ITPRIP: variants seen among roughly 807,000 people sequenced by gnomAD.
ITPRIP encodes the protein inositol 1,4,5-trisphosphate receptor interacting protein.
Under a neutral mutation model 35.8 loss-of-function variants are expected in ITPRIP, and 32 were observed. The ratio of observed to expected loss-of-function variants is 0.89; its 90% CI spans 0.68 to 1.20. The LOEUF (loss-of-function observed/expected upper bound fraction) is 1.20, where lower values mean the gene tolerates loss of function less well. Among genes scored for constraint, ITPRIP ranks in the 50% most tolerant of loss-of-function variants. The probability of loss-of-function intolerance (pLI) is 0.00; values close to 1 mark genes in which losing one functional copy is unlikely to be tolerated. For synonymous variants in ITPRIP, 358 were observed against 324.0 expected, an observed-to-expected ratio of 1.11 and a Z score of -1.13; for missense variants, 653 against 735.6, an observed-to-expected ratio of 0.89 and a Z score of 1.30.
rs111962783 is a variant in ITPRIP at position 104,336,064 on chromosome 10, C to A, written c.-14+2182G>T. Among the ~76,000 whole-genome samples the A allele has an allele frequency of 8.1e-4, 124 of 152,350 alleles. 1 individual carries two copies. Among genetic ancestry groups the A allele is most frequent in the African/African-American group, 2.9e-3 (120 of 41,588 alleles). ...GAGGGGTGAGGATAAATCCAGCTCA[C>A]ATGCCACTTATCCAGCTATATGGCT... On this transcript the variant is annotated intron_variant, in intron 1 of 1. Transcript: ENST00000337478.
chr10:104,319,304 T>C (rs1322278127), intron 1 of ITPRIP, among the ~76,000 whole-genome samples: 1 of 152,220 alleles, frequency 6.6e-6, no homozygotes, highest in Non-Finnish European at 1.5e-5. Flanking sequence ...CAGGCTCCTC[T>C]CCTCAGCATC....
chr10:104,336,204 A>C (rs1242372596), intron 1 of ITPRIP, among the ~76,000 whole-genome samples: 2 of 152,192 alleles, frequency 1.3e-5, no homozygotes, highest in Admixed American at 1.3e-4. Context: ...GGCTAGCAGC[A>C]GCCCTGGAGG....
chr10:104,323,188 A>C (rs540785647), intron 1 of ITPRIP, among the ~76,000 whole-genome samples: 1 of 152,298 alleles, frequency 6.6e-6, no homozygotes, highest in East Asian at 1.9e-4. Context: ...CCAGCACAGA[A>C]CAGGGGAAGG....
intron 1 of ITPRIP, among the ~76,000 whole-genome samples, chr10:104,317,200 T>A (rs1472942227): frequency 1.3e-5 from 2 of 152,172 alleles, no homozygotes; most frequent in Admixed American, 1.3e-4. Flanking sequence ...GAGCAAAGAA[T>A]CACTAATTTC....
chr10:104,311,386 G>C lies in ITPRIP; in HGVS notation c.*3022C>G, dbSNP rs1277174494. 2 of 152,228 alleles carry C rather than the reference G, an allele frequency of 1.3e-5. No homozygotes were observed. Among genetic ancestry groups the C allele is most frequent in the Non-Finnish European group, 2.9e-5 (2 of 68,046 alleles). The allele number at this position is 152,228 out of a possible 1,614,324, so 9.4% of individuals were successfully genotyped here. ...GCTAGGGGTACCATCAGTCACTTGG[G>C]GGAAATCTTTAAAAATCGAGCCTAG... On this transcript the variant is annotated 3_prime_UTR_variant, in exon 2 of 2. Transcript: ENST00000337478.
rs556187952 is a variant in ITPRIP at position 104,327,349 on chromosome 10, C to T, written c.-14+10897G>A. On this transcript the variant is annotated intron_variant, in intron 1 of 1. Transcript: ENST00000337478. ...CTTGTTTCCATGGGACACAAGTCAGCGCTTTAAGAATGTTCAAGGCCTGGC... is the reference window on the plus strand; with the variant it reads ...CTTGTTTCCATGGGACACAAGTCAGTGCTTTAAGAATGTTCAAGGCCTGGC... 3.3e-5 allele frequency among the ~76,000 whole-genome samples: 5 copies of T among 152,208 alleles called. No individual in the cohort carries two copies. The East Asian group carries it at 5.8e-4, about 18-fold the overall frequency.
intron 1 of ITPRIP, among the ~76,000 whole-genome samples, chr10:104,320,971 T>C (rs1203239762): frequency 6.6e-6 from 1 of 152,204 alleles, no homozygotes; most frequent in Non-Finnish European, 1.5e-5. Context: ...AAATATTGTA[T>C]AGAGTTGACT....
In ITPRIP at chr10:104,315,348, A is replaced by G. The variant is rs1466300052; in HGVS notation, c.704T>C (p.Leu235Pro). Residue 235 changes from leucine (L) to proline (P), a missense_variant, in exon 2 of 2, where the codon CTG (leucine) becomes CCG (proline). Transcript: ENST00000337478. This position sits in a 1 kb window ranked among gnomAD's most constrained non-coding sequence, Gnocchi z 5.7. ...ELWCSGRSVP[L>P]DRQGYGQIKV... The stretch of plus-strand genomic sequence containing the variant: ...GATCTGGCCGTAGCCCTGGCGATCC[A>G]GGGGCACTGAGCGGCCGGAGCACCA... The G allele has an allele frequency of 6.4e-7, 1 of 1,562,828 alleles. No individual in the cohort carries two copies. The highest frequency in any genetic ancestry group is 1.2e-5 in the South Asian group (1 of 82,582).
In ITPRIP at chr10:104,328,227, C is replaced by T. The variant is rs556805117; in HGVS notation, c.-14+10019G>A. ...TGCGTGAATCACAGTGACAGCAATG[C>T]GCCCTCACCACTTCCCGTTGTCCTA... On this transcript the variant is annotated intron_variant, in intron 1 of 1. Transcript: ENST00000337478. This position sits in a 1 kb window ranked among gnomAD's most constrained non-coding sequence, Gnocchi z 4.1. The T allele has an allele frequency of 2.4e-5, 24 of 985,322 alleles. No homozygotes were observed. The highest frequency in any genetic ancestry group is 1.8e-4 in the Admixed American group (3 of 16,290). The allele number at this position is 985,322 out of a possible 1,614,324, so 61.0% of individuals were successfully genotyped here.
At position 104,326,499 on chromosome 10, in the gene ITPRIP, T is replaced by C. The variant is rs2014017048; in HGVS notation, c.-13-10435A>G. On this transcript the variant is annotated intron_variant, in intron 1 of 1. Coordinates refer to ENST00000337478, the MANE Select transcript of ITPRIP (RefSeq NM_001272013.2). This position sits in a 1 kb window ranked among gnomAD's most constrained non-coding sequence, Gnocchi z 4.8. ...TATGGCTGGGTTGTGGAGAGGACAG[T>C]GAGAAGAGACTACAAGGAGTAAAAC... 1 of 152,094 alleles carries C rather than the reference T, an allele frequency of 6.6e-6. No individual in the cohort carries two copies. The highest frequency in any genetic ancestry group is 2.4e-5 in the African/African-American group (1 of 41,384). The allele number at this position is 152,094 out of a possible 1,614,324, so 9.4% of individuals were successfully genotyped here. A position where few individuals can be genotyped will look rare whatever the true frequency, so the allele number is the denominator to read the frequency against.
In ITPRIP at chr10:104,314,271, G is replaced by C. The variant is rs1049643083; in HGVS notation, c.*137C>G. 2.0e-6 allele frequency: 3 copies of C among 1,497,250 alleles called. No homozygotes were observed. The highest frequency in any genetic ancestry group is 2.8e-5 in the African/African-American group (2 of 71,318). 92.7% of individuals were successfully genotyped at this position (1,497,250 alleles called of 1,614,324 possible). ...CTGTTTCCTCTGCACTGTAGGGCTT[G>C]GCTTCCTGGCAGGCTGAGCACGGCT... On this transcript the variant is annotated 3_prime_UTR_variant, in exon 2 of 2. Transcript: ENST00000337478.
chr10:104,314,770 G>A lies in ITPRIP; in HGVS notation c.1282C>T (p.Leu428Phe), dbSNP rs1239945383. The part of the protein sequence containing the change: ...KQSRLTGPSG[L>F]SSYHLKTALL... ...GCCGTCTTCAGGTGGTAGCTGCTGA[G>A]CCCGCTGGGACCGGTCAGGCGGCTC... Residue 428 changes from leucine to phenylalanine, a missense_variant, in exon 2 of 2, where the codon CTC (leucine) becomes TTC (phenylalanine). By Grantham distance (22) the Leu-to-Phe change is conservative. Transcript: ENST00000337478. The A allele has an allele frequency of 6.2e-7, 1 of 1,613,928 alleles. No homozygotes were observed. Among genetic ancestry groups the A allele is most frequent in the Non-Finnish European group, 8.5e-7 (1 of 1,180,002 alleles).
chr10:104,315,061 G>C lies in ITPRIP; in HGVS notation c.991C>G (p.Pro331Ala), dbSNP rs955230689. 2 of 1,614,180 alleles carry C rather than the reference G, an allele frequency of 1.2e-6. No homozygotes were observed. Among genetic ancestry groups the C allele is most frequent in the East Asian group, 2.2e-5 (1 of 44,866 alleles). Reference protein sequence around the residue: ...FDLAFGQLDSPGSLKIKFRSG... With the variant: ...FDLAFGQLDSAGSLKIKFRSG... ...CGGAACTTGATCTTCAGGGACCCCG[G>C]GCTGTCCAGCTGGCCAAAGGCCAGG... The change falls in exon 2 of 2, where the codon CCG (proline) becomes GCG (alanine). Residue 331 changes from proline (P) to alanine (A), a missense_variant. By Grantham distance (27) the Pro-to-Ala change is conservative. Transcript: ENST00000337478. The surrounding 1 kb of genome is among the most constrained non-coding windows in gnomAD (Gnocchi z 5.7).
At chr10:104,325,365 A>C (rs2013971020) in intron 1 of ITPRIP, among the ~76,000 whole-genome samples, 1 of 152,222 alleles carries the variant, frequency 6.6e-6, no homozygotes, top group African/African-American at 2.4e-5. Context: ...CTACTCAGCA[A>C]ACCCACTATT....
In ITPRIP at chr10:104,328,004, A is replaced by G. The variant is rs2014065853; in HGVS notation, c.-14+10242T>C. ...GTTTGTCTTTGCATTCCCCAGAGCA[A>G]CTGGCATAGACCTGCGCTCCGTGCT... On this transcript the variant is annotated intron_variant, in intron 1 of 1. Transcript: ENST00000337478. This position sits in a 1 kb window ranked among gnomAD's most constrained non-coding sequence, Gnocchi z 4.1. Among the ~76,000 whole-genome samples, 1 of 152,162 alleles carries G rather than the reference A, an allele frequency of 6.6e-6. No homozygotes were observed. Among genetic ancestry groups the G allele is most frequent in the Non-Finnish European group, 1.5e-5 (1 of 68,026 alleles).
chr10:104,334,235 G>A (rs1436986059), intron 1 of ITPRIP, among the ~76,000 whole-genome samples: 1 of 152,246 alleles, frequency 6.6e-6, no homozygotes, highest in Non-Finnish European at 1.5e-5. Flanking sequence ...GAGGCCAGCT[G>A]AGCAGGGCAG....
chr10:104,336,417 G>T (rs2014233757), intron 1 of ITPRIP, among the ~76,000 whole-genome samples: 1 of 151,452 alleles, frequency 6.6e-6, no homozygotes, highest in African/African-American at 2.4e-5. Flanking sequence ...ACCCTACTGG[G>T]GCAGACTCTC....
intron 1 of ITPRIP, among the ~76,000 whole-genome samples, chr10:104,334,764 C>T (rs2014207383): frequency 6.6e-6 from 1 of 152,196 alleles, no homozygotes; most frequent in Non-Finnish European, 1.5e-5. Context: ...CACTGTCCCC[C>T]ACCCTCACCC....
intron 1 of ITPRIP, among the ~76,000 whole-genome samples, chr10:104,322,891 C>T (rs2013891191): frequency 6.6e-6 from 1 of 152,132 alleles, no homozygotes. Context: ...AAGAAGGAGC[C>T]AAGGGAGGCC....
Sources: allele counts gnomAD v4.1 joint callset (sites outside exome capture counted in the v4.1 genomes callset), GRCh38; gene constraint gnomAD v4.1.1; non-coding constraint Gnocchi (gnomAD v3.1); transcripts MANE v1.5; gene names NCBI Gene and HGNC (gene_info 2026-07-23, HGNC 2026-07-21).